FNBP1: variants seen among roughly 807,000 people sequenced by gnomAD.
FNBP1 encodes the protein formin binding protein 1, also known as formin-binding protein 1.
FNBP1 carries 26 observed loss-of-function variants against 90.6 expected under a neutral mutation model. That is an observed-to-expected ratio of 0.29 (90% CI 0.21 to 0.40). The LOEUF (loss-of-function observed/expected upper bound fraction) is 0.40, where lower values mean the gene tolerates loss of function less well. FNBP1 is among the 10% of genes least tolerant of loss of function. FNBP1 has a pLI of 1.00. For synonymous variants in FNBP1, 260 were observed against 265.2 expected (o/e 0.98, Z 0.19); for missense variants, 635 against 768.0 (o/e 0.83, Z 2.05).
Position 129,890,611 on chromosome 9 carries a change from G to C in FNBP1, c.1847-65C>G. 2.0e-6 allele frequency: 3 copies of C among 1,473,016 alleles called. No individual in the cohort carries two copies. The highest frequency in any genetic ancestry group is 2.8e-6 in the Non-Finnish European group (3 of 1,075,354). The allele number at this position is 1,473,016 out of a possible 1,614,324, so 91.2% of individuals were successfully genotyped here. A position where few individuals can be genotyped will look rare whatever the true frequency, so the allele number is the denominator to read the frequency against. ...AGAGAGGAAGGCGCGGGTTCCAGGCGGGCATTTTGCTCTTGGCTACAAACT... is the reference window on the plus strand; with the variant it reads ...AGAGAGGAAGGCGCGGGTTCCAGGCCGGCATTTTGCTCTTGGCTACAAACT... On this transcript the variant is annotated intron_variant, in intron 16 of 16. Coordinates refer to ENST00000446176, the MANE Select transcript of FNBP1 (RefSeq NM_015033.3). This position sits in a 1 kb window ranked among gnomAD's most constrained non-coding sequence, Gnocchi z 5.8.
chr9:129,994,914 A>G lies in FNBP1; in HGVS notation c.69T>C (p.Asp23=). 1 of 1,608,520 alleles carries G rather than the reference A, an allele frequency of 6.2e-7. No homozygotes were observed. The change falls in exon 2 of 17, where the codon GAT becomes GAC. Residue 23 remains aspartate, a synonymous_variant. Transcript: ENST00000446176. ...NLEKHTQWGI[D]ILEKYIKFVK... is the part of the protein sequence containing the mutation. ...CAAACTTGATATATTTCTCAAGAAT[A>G]TCAATTCCCCACTGTGTGTGTTTTT...
At chr9:129,960,383 C>CAAAAAAAAAA in intron 4 of FNBP1, among the ~76,000 whole-genome samples, 1 of 80,448 alleles carries the variant, frequency 1.2e-5, no homozygotes, top group Non-Finnish European at 2.4e-5. Flanking sequence ...GACTCCATCT[C>CAAAAAAAAAA]AAAAAAAAAA....
At chr9:129,973,628 G>A (rs1267036772) in intron 4 of FNBP1, among the ~76,000 whole-genome samples, 1 of 150,828 alleles carries the variant, frequency 6.6e-6, no homozygotes, top group African/African-American at 2.4e-5. Context: ...AGCCTCCCAA[G>A]TAGCTGGGAC....
At chr9:129,986,390 A>G (rs2052247982) in intron 2 of FNBP1, among the ~76,000 whole-genome samples, 1 of 152,172 alleles carries the variant, frequency 6.6e-6, no homozygotes, top group South Asian at 2.1e-4. Flanking sequence ...TGAACTAAGG[A>G]CTAAAATATA....
chr9:129,890,188 G>T lies in FNBP1; in HGVS notation c.*351C>A, dbSNP rs1235245708. 1 of 429,886 alleles carries T rather than the reference G, an allele frequency of 2.3e-6. No homozygotes were observed. Among genetic ancestry groups the T allele is most frequent in the African/African-American group, 2.0e-5 (1 of 49,572 alleles). 26.6% of individuals were successfully genotyped at this position (429,886 alleles called of 1,614,324 possible). ...TTTCACAAAAGGCACTGTGTGAAGC[G>T]CGGAAGGGCTGCCAGGACGAGCCCG... On this transcript the variant is annotated 3_prime_UTR_variant, in exon 17 of 17. Coordinates refer to ENST00000446176, the MANE Select transcript of FNBP1 (RefSeq NM_015033.3). This position sits in a 1 kb window ranked among gnomAD's most constrained non-coding sequence, Gnocchi z 5.8.
chr9:129,973,940 A>T (rs2049902736), intron 4 of FNBP1, among the ~76,000 whole-genome samples: 1 of 151,652 alleles, frequency 6.6e-6, no homozygotes, highest in African/African-American at 2.4e-5. Context: ...CCTCCTGAGT[A>T]GCTGGGATTA....
intron 1 of FNBP1, among the ~76,000 whole-genome samples, chr9:130,007,885 G>A (rs936998374): frequency 4.6e-5 from 7 of 151,508 alleles, no homozygotes; most frequent in East Asian, 1.9e-4. Flanking sequence ...GTATGGTGGC[G>A]AGCGCCTGTA....
chr9:129,908,863 TTAA>T (rs770478794), intron 12 of FNBP1, 24 bp downstream of exon 12: 7 of 1,500,402 alleles, frequency 4.7e-6, no homozygotes, highest in South Asian at 1.1e-5. Flanking sequence ...CTTGAATTTC[TTAA>T]TAAGTCATAT....
At chr9:129,942,069 C>CAA (rs538638816) in intron 6 of FNBP1, among the ~76,000 whole-genome samples, 352 of 116,514 alleles carry the variant, frequency 3.0e-3, no homozygotes, top group African/African-American at 0.01. Flanking sequence ...ACTCTGTCTC[C>CAA]AAAAAAAAAA....
chr9:130,025,661 C>T (rs1258347257), intron 1 of FNBP1, among the ~76,000 whole-genome samples: 3 of 152,222 alleles, frequency 2.0e-5, no homozygotes, highest in African/African-American at 7.2e-5. Context: ...CAGTGGCTCA[C>T]GCCTATAATC....
intron 4 of FNBP1, among the ~76,000 whole-genome samples, chr9:129,977,363 G>A (rs1463188752): frequency 1.3e-5 from 2 of 152,036 alleles, no homozygotes; most frequent in African/African-American, 2.4e-5. Flanking sequence ...ATGAAAAGAC[G>A]ATAATGGTGG....
rs60640596 is a variant in FNBP1 at position 129,958,985 on chromosome 9, C to CAAAAAAAAAAAAA, written c.346-445_346-433dup. 2.0e-3 allele frequency among the ~76,000 whole-genome samples: 18 copies of CAAAAAAAAAAAAA among 9,156 alleles called. 5 individuals carry two copies. Among genetic ancestry groups the CAAAAAAAAAAAAA allele is most frequent in the African/African-American group, 2.8e-3 (7 of 2,482 alleles). The allele number at this position is 9,156 out of a possible 152,430, so 6.0% of individuals were successfully genotyped here. A position where few individuals can be genotyped will look rare whatever the true frequency, so the allele number is the denominator to read the frequency against. The stretch of plus-strand genomic sequence containing the variant: ...TGGATGACACAGTGAAACTCTGCCT[C>CAAAAAAAAAAAAA]AAAAAAAAAAAAAAAAAAAAAAGGA... On this transcript the variant is annotated intron_variant, in intron 4 of 16. Transcript: ENST00000446176.
At chr9:129,991,109 T>C (rs1247461379) in intron 2 of FNBP1, among the ~76,000 whole-genome samples, 1 of 151,470 alleles carries the variant, frequency 6.6e-6, no homozygotes, top group African/African-American at 2.4e-5. Context: ...AATGTTTTTG[T>C]ATTTTTAGTA....
At chr9:130,021,447 C>T (rs912654901) in intron 1 of FNBP1, among the ~76,000 whole-genome samples, 1 of 152,198 alleles carries the variant, frequency 6.6e-6, no homozygotes, top group African/African-American at 2.4e-5. Flanking sequence ...TTACTTCTCC[C>T]ACGTGCCATG....
rs1276746919 is a variant in FNBP1 at position 130,042,361 on chromosome 9, G to A, written c.24+591C>T. Reference sequence around the variant, plus strand: ...ATCCCACTCAGGATTGAGCTACCCCGAAAGAACAAGTGCGCCCGGAGCCGC... The same window carrying A: ...ATCCCACTCAGGATTGAGCTACCCCAAAAGAACAAGTGCGCCCGGAGCCGC... On this transcript the variant is annotated intron_variant, in intron 1 of 16. Transcript: ENST00000446176. This position sits in a 1 kb window ranked among gnomAD's most constrained non-coding sequence, Gnocchi z 5.5. 1.3e-5 allele frequency among the ~76,000 whole-genome samples: 2 copies of A among 152,062 alleles called. No individual in the cohort carries two copies. The highest frequency in any genetic ancestry group is 2.4e-5 in the African/African-American group (1 of 41,406).
At chr9:129,984,265 G>A (rs1564501656) in intron 2 of FNBP1, among the ~76,000 whole-genome samples, 1 of 151,528 alleles carries the variant, frequency 6.6e-6, no homozygotes, top group Non-Finnish European at 1.5e-5. Flanking sequence ...TTTAACAGCA[G>A]AAAATAAAAA....
chr9:129,957,132 G>C lies in FNBP1; in HGVS notation c.513+228C>G, dbSNP rs10124996. 6.6e-6 allele frequency among the ~76,000 whole-genome samples: 1 copy of C among 151,414 alleles called. No homozygotes were observed. The highest frequency in any genetic ancestry group is 1.5e-5 in the Non-Finnish European group (1 of 67,914). ...GGCTCACTGCAGCCAACGCCTCCTG[G>C]GCTCAAGCGATTCTCCTGCCTCAGC... On this transcript the variant is annotated intron_variant, in intron 6 of 16. Transcript: ENST00000446176. The surrounding 1 kb of genome is among the most constrained non-coding windows in gnomAD (Gnocchi z 4.3).
rs753987401 is a variant in FNBP1, at chr9:129,889,081, CG to C, written c.*1457del. ...GGGGCTGCTCTGCTCTAAGGCGTGG[CG>C]GGGGGGGGGGGTGGTGGCCACAGAT... On this transcript the variant is annotated 3_prime_UTR_variant, in exon 17 of 17. Transcript: ENST00000446176. The C allele has an allele frequency of 0.034, 1,370 of 40,348 alleles. 30 individuals are homozygous for C. Among genetic ancestry groups the C allele is most frequent in the African/African-American group, 0.066 (1,228 of 18,680 alleles). The allele number at this position is 40,348 out of a possible 1,614,324, so 2.5% of individuals were successfully genotyped here. A position where few individuals can be genotyped will look rare whatever the true frequency, so the allele number is the denominator to read the frequency against.
At chr9:129,992,471 G>A (rs754520509) in intron 2 of FNBP1, among the ~76,000 whole-genome samples, 6 of 151,766 alleles carry the variant, frequency 4.0e-5, no homozygotes, top group Non-Finnish European at 8.8e-5. Context: ...ACAAAATCTG[G>A]GGCCAGGCAC....
Sources: allele counts gnomAD v4.1 joint callset (sites outside exome capture counted in the v4.1 genomes callset), GRCh38; gene constraint gnomAD v4.1.1; non-coding constraint Gnocchi (gnomAD v3.1); transcripts MANE v1.5; gene names NCBI Gene and HGNC (gene_info 2026-07-23, HGNC 2026-07-21).